GRIN2A: variants seen among roughly 807,000 people sequenced by gnomAD.
GRIN2A encodes glutamate ionotropic receptor NMDA type subunit 2A, also known as glutamate receptor ionotropic, NMDA 2A.
A neutral mutation model predicts 113.4 loss-of-function variants in GRIN2A; 22 were observed. The observed-to-expected ratio is 0.19, with a 90% confidence interval of 0.14 to 0.28. The LOEUF (loss-of-function observed/expected upper bound fraction) is 0.28, where lower values mean the gene tolerates loss of function less well. GRIN2A is among the 10% of genes least tolerant of loss of function. The pLI, the probability that GRIN2A is intolerant of heterozygous loss-of-function variation, is 1.00. For synonymous variants in GRIN2A, 827 were observed against 738.4 expected (o/e 1.12, Z -1.94); for missense variants, 1,502 against 1,887.0 (o/e 0.80, Z 3.78).
chr16:9,971,524 C>G (rs1404131082), intron 2 of GRIN2A, among the ~76,000 whole-genome samples: 1 of 152,222 alleles, frequency 6.6e-6, no homozygotes, highest in East Asian at 1.9e-4. Context: ...AGAACTGTGA[C>G]TGACAATAAA....
intron 3 of GRIN2A, among the ~76,000 whole-genome samples, chr16:9,910,629 C>T (rs1291466336): frequency 6.6e-6 from 1 of 151,038 alleles, no homozygotes; most frequent in Non-Finnish European, 1.5e-5. Context: ...CCTCTGCCTC[C>T]CAGGTTTAAG....
chr16:10,164,840 C>T (rs2049878391), intron 2 of GRIN2A, among the ~76,000 whole-genome samples: 1 of 152,154 alleles, frequency 6.6e-6, no homozygotes, highest in Admixed American at 6.5e-5. Flanking sequence ...TATTCCATGG[C>T]AGGTGTCTTA....
intron 3 of GRIN2A, among the ~76,000 whole-genome samples, chr16:9,928,525 T>G (rs2044517430): frequency 6.6e-6 from 1 of 151,998 alleles, no homozygotes; most frequent in South Asian, 2.1e-4. Context: ...ACAGAGGTTT[T>G]CCCCCTGCCT....
rs575389756 is a variant in GRIN2A at position 9,773,991 on chromosome 16, C to G, written c.2357-4902G>C. Among the ~76,000 whole-genome samples, 113 of 105,078 alleles carry G rather than the reference C, an allele frequency of 1.1e-3. 2 individuals carry two copies. In the South Asian group the frequency reaches 0.027, roughly 25 times the overall value. The allele number at this position is 105,078 out of a possible 152,430, so 68.9% of individuals were successfully genotyped here. ...GAGGCAGTGTTGTGTGTGTGTGTCT[C>G]CAACTTGCTTCCATTCCATTTAAAA... On this transcript the variant is annotated intron_variant, in intron 11 of 12. Coordinates refer to ENST00000330684, the MANE Select transcript of GRIN2A (RefSeq NM_001134407.3).
In GRIN2A at chr16:10,180,723, C is replaced by A. The variant is rs2050251929; in HGVS notation, c.-18-294G>T. Reference sequence around the variant, plus strand: ...TCCCCATCCCCATCTCTGTCCATATCCCCCACCGCATTCCCCAAGTTCGCC... The same window carrying A: ...TCCCCATCCCCATCTCTGTCCATATACCCCACCGCATTCCCCAAGTTCGCC... On this transcript the variant is annotated intron_variant, in intron 1 of 12. Transcript: ENST00000330684. This position sits in a 1 kb window ranked among gnomAD's most constrained non-coding sequence, Gnocchi z 7.0. The A allele has an allele frequency of 3.7e-6, 2 of 535,178 alleles. No individual in the cohort carries two copies. Among genetic ancestry groups the A allele is most frequent in the Admixed American group, 3.2e-5 (1 of 31,318 alleles). The allele number at this position is 535,178 out of a possible 1,614,324, so 33.2% of individuals were successfully genotyped here.
chr16:9,882,482 A>C (rs765371212), intron 4 of GRIN2A, among the ~76,000 whole-genome samples: 12 of 152,114 alleles, frequency 7.9e-5, no homozygotes, highest in Non-Finnish European at 1.6e-4. Context: ...AGATGAAACT[A>C]CTGTAGACCA....
intron 2 of GRIN2A, among the ~76,000 whole-genome samples, chr16:10,095,145 G>A (rs527617593): frequency 6.6e-6 from 1 of 152,252 alleles, no homozygotes; most frequent in Admixed American, 6.5e-5. Context: ...AGCACACAGA[G>A]AGAAGACAGC....
At chr16:10,038,517 C>A (rs538926012) in intron 2 of GRIN2A, among the ~76,000 whole-genome samples, 8 of 152,096 alleles carry the variant, frequency 5.3e-5, no homozygotes, top group African/African-American at 1.9e-4. Flanking sequence ...AGTAGCAACT[C>A]CACCTTATCC....
At chr16:10,103,899 C>T (rs1189567591) in intron 2 of GRIN2A, among the ~76,000 whole-genome samples, 1 of 152,198 alleles carries the variant, frequency 6.6e-6, no homozygotes, top group Admixed American at 6.5e-5. Context: ...CTCTCACTTC[C>T]TCATTTCTCT....
intron 2 of GRIN2A, among the ~76,000 whole-genome samples, chr16:10,173,654 G>T (rs1460687737): frequency 6.6e-6 from 1 of 152,200 alleles, no homozygotes. Context: ...GGCAGGACAA[G>T]TGTGAGGTAC....
At chr16:9,977,937 TGAA>T (rs2045808518) in intron 2 of GRIN2A, among the ~76,000 whole-genome samples, 1 of 152,174 alleles carries the variant, frequency 6.6e-6, no homozygotes, top group Non-Finnish European at 1.5e-5. Context: ...ACAACGAAGA[TGAA>T]GAAAAAGATC....
chr16:9,849,564 T>A (rs1241897783), intron 5 of GRIN2A, among the ~76,000 whole-genome samples, 192 bp downstream of exon 5: 2 of 152,178 alleles, frequency 1.3e-5, no homozygotes, highest in Non-Finnish European at 2.9e-5. Flanking sequence ...TGGAATTAAA[T>A]GAATGCAAGT....
Position 9,979,785 on chromosome 16 carries a change from C to CTATATATA in GRIN2A, c.415-41242_415-41235dup, listed in dbSNP as rs71157796. Among the ~76,000 whole-genome samples the CTATATATA allele has an allele frequency of 7.2e-4, 88 of 122,328 alleles. 3 individuals are homozygous for CTATATATA. Among genetic ancestry groups the CTATATATA allele is most frequent in the East Asian group, 3.9e-3 (13 of 3,352 alleles). The allele number at this position is 122,328 out of a possible 152,430, so 80.3% of individuals were successfully genotyped here. On this transcript the variant is annotated intron_variant, in intron 2 of 12. Transcript: ENST00000330684. ...TATATACATATAAGGGACTATGGGA[C>CTATATATA]TATATATATATATATATATATATAT...
At chr16:10,174,334 C>A (rs566691044) in intron 2 of GRIN2A, among the ~76,000 whole-genome samples, 3 of 152,192 alleles carry the variant, frequency 2.0e-5, no homozygotes, top group Non-Finnish European at 4.4e-5. Context: ...GAAGAGAGTA[C>A]AAACCTGAGC....
chr16:9,796,531 G>T (rs551263697), intron 11 of GRIN2A, among the ~76,000 whole-genome samples: 1 of 152,162 alleles, frequency 6.6e-6, no homozygotes, highest in Non-Finnish European at 1.5e-5. Flanking sequence ...CCCTGAACTT[G>T]GCCACCTGAC....
In GRIN2A at chr16:9,827,523, G is replaced by A. The variant is rs1313087957; in HGVS notation, c.2007+1900C>T. Among the ~76,000 whole-genome samples the A allele has an allele frequency of 2.0e-5, 3 of 152,226 alleles. No individual in the cohort carries two copies. In the South Asian group the frequency reaches 6.2e-4, roughly 31 times the overall value. On this transcript the variant is annotated intron_variant, in intron 9 of 12. Transcript: ENST00000330684. ...TCCAGAGAGTGATTCGTACCTTAAA[G>A]TTTTTCCTGCTTCGAAGCAAGGGAG...
intron 2 of GRIN2A, among the ~76,000 whole-genome samples, chr16:10,064,054 G>A (rs1386107020): frequency 1.3e-5 from 2 of 152,126 alleles, no homozygotes; most frequent in African/African-American, 2.4e-5. Context: ...ATACTGATGT[G>A]TCATTTTTCA....
chr16:9,954,229 G>C (rs1177357465), intron 2 of GRIN2A, among the ~76,000 whole-genome samples: 1 of 152,152 alleles, frequency 6.6e-6, no homozygotes, highest in Non-Finnish European at 1.5e-5. Flanking sequence ...TGAAGAACAA[G>C]ATTCCTTAGT....
intron 2 of GRIN2A, among the ~76,000 whole-genome samples, chr16:9,950,856 T>C (rs1017334520): frequency 6.6e-6 from 1 of 152,248 alleles, no homozygotes; most frequent in Non-Finnish European, 1.5e-5. Flanking sequence ...GATGAGCTCA[T>C]GTACAGTAGC....
Sources: allele counts gnomAD v4.1 joint callset (sites outside exome capture counted in the v4.1 genomes callset), GRCh38; gene constraint gnomAD v4.1.1; non-coding constraint Gnocchi (gnomAD v3.1); transcripts MANE v1.5; gene names NCBI Gene and HGNC (gene_info 2026-07-23, HGNC 2026-07-21).